The following PYCR3 variants were observed in gnomAD, a reference collection of about 807,000 sequenced individuals.
PYCR3 encodes the protein P5C reductase 3.
A neutral mutation model predicts 23.4 loss-of-function variants in PYCR3; 26 were observed. The observed-to-expected ratio is 1.11, with a 90% CI of 0.81 to 1.54. The LOEUF (loss-of-function observed/expected upper bound fraction) is 1.54. PYCR3 is among the 40% of genes most tolerant of loss of function. The pLI is 0.00. For synonymous variants in PYCR3, 194 were observed against 162.6 expected (o/e 1.19, Z -1.47); for missense variants, 360 against 376.3 (o/e 0.96, Z 0.36).
At position 143,608,810 on chromosome 8, in the gene PYCR3, A is replaced by G. The variant is rs1036899965; in HGVS notation, c.91+648T>C. ...GCGGTACTGCCAGGTTTCACAGGGA[A>G]GACTCCTGAGACTCATAGTAAGCTA... On this transcript the variant is annotated intron_variant, in intron 1 of 5. Transcript: ENST00000495276. 3 of 456,586 alleles carry G rather than the reference A, an allele frequency of 6.6e-6. No individual in the cohort carries two copies. The East Asian group carries it at 2.1e-4, about 32-fold the overall frequency. 28.3% of individuals were successfully genotyped at this position (456,586 alleles called of 1,614,324 possible). A position where few individuals can be genotyped will look rare whatever the true frequency, so the allele number is the denominator to read the frequency against.
rs774083929 is a variant in PYCR3, at chr8:143,604,715, C to T, written c.*985G>A. 8.6e-4 allele frequency: 311 copies of T among 360,108 alleles called. 2 individuals carry two copies. In the Middle Eastern group the frequency reaches 8.8e-3, roughly 10 times the overall value. The allele number at this position is 360,108 out of a possible 1,614,324, so 22.3% of individuals were successfully genotyped here. ...CCCTCCCCACCCAAAGGCCCTAGAA[C>T]CCTAGCCTTCAATCCTGGGGGTTTG... On this transcript the variant is annotated 3_prime_UTR_variant, in exon 6 of 6. Coordinates refer to ENST00000495276, the MANE Select transcript of PYCR3 (RefSeq NM_023078.6).
rs548945639 is a variant in PYCR3 at position 143,605,387 on chromosome 8, C to T, written c.*313G>A. On this transcript the variant is annotated 3_prime_UTR_variant, in exon 6 of 6. Transcript: ENST00000495276. ...GGCCTCAACCAACTGCCCAACCATG[C>T]GGGCAAATGACCAAGACGCCATCTC... The T allele has an allele frequency of 2.6e-4, 110 of 426,534 alleles. No homozygotes were observed. The highest frequency in any genetic ancestry group is 1.9e-3 in the African/African-American group (96 of 50,520). The allele number at this position is 426,534 out of a possible 1,614,324, so 26.4% of individuals were successfully genotyped here.
chr8:143,607,098 T>G lies in PYCR3; in HGVS notation c.191A>C (p.Glu64Ala). ...GACGAGCAGGCAGCTCTGCAGCACC[T>G]CCTGGTTGGAGTGCGTGGTCCGGCA... ...LGCRTTHSNQ[E>A]VLQSCLLVIF... Residue 64 changes from glutamate (E) to alanine (A), a missense_variant, in exon 3 of 6, where the codon GAG (glutamate) becomes GCG (alanine). Coordinates refer to ENST00000495276, the MANE Select transcript of PYCR3 (RefSeq NM_023078.6). The G allele has an allele frequency of 6.2e-7, 1 of 1,606,286 alleles. No individual in the cohort carries two copies. Among genetic ancestry groups the G allele is most frequent in the South Asian group, 1.1e-5 (1 of 90,256 alleles).
rs977291642 is a variant in PYCR3, at chr8:143,605,194, G to T, written c.*506C>A. 2.4e-5 allele frequency: 8 copies of T among 335,990 alleles called. No individual in the cohort carries two copies. Among genetic ancestry groups the T allele is most frequent in the African/African-American group, 1.7e-4 (8 of 45,860 alleles). 20.8% of individuals were successfully genotyped at this position (335,990 alleles called of 1,614,324 possible). ...GCCAGGGCCCCTGGCTTTACTGCAG[G>T]GGAGAGGGTCTCTTGTGCAGACCCC... is the stretch of plus-strand genomic sequence containing the variant. On this transcript the variant is annotated 3_prime_UTR_variant, in exon 6 of 6. Transcript: ENST00000495276.
Position 143,608,139 on chromosome 8 carries a change from G to A in PYCR3, c.92-13C>T. ...GCTTCCACTTTTCCTGGAAAGAAAGGAAAAGGAAGAGGGGTTGGTGAAGGG... is the reference window on the plus strand; with the variant it reads ...GCTTCCACTTTTCCTGGAAAGAAAGAAAAAGGAAGAGGGGTTGGTGAAGGG... On this transcript the variant is annotated splice_polypyrimidine_tract_variant and intron_variant, in intron 1 of 5. Coordinates refer to ENST00000495276, the MANE Select transcript of PYCR3 (RefSeq NM_023078.6). The A allele has an allele frequency of 6.2e-7, 1 of 1,610,514 alleles. No homozygotes were observed. The highest frequency in any genetic ancestry group is 8.5e-7 in the Non-Finnish European group (1 of 1,177,070).
Position 143,603,801 on chromosome 8 carries a change from G to A in PYCR3, c.*1899C>T, listed in dbSNP as rs1044293542. 2 of 152,208 alleles carry A rather than the reference G, an allele frequency of 1.3e-5. No homozygotes were observed. Among genetic ancestry groups the A allele is most frequent in the African/African-American group, 4.8e-5 (2 of 41,434 alleles). The allele number at this position is 152,208 out of a possible 1,614,324, so 9.4% of individuals were successfully genotyped here. The stretch of plus-strand genomic sequence containing the variant: ...TGTAGAGGCCTGTAGCAGGCATGGG[G>A]AGACCTCTGCTGTCCACAGTGCCAG... On this transcript the variant is annotated 3_prime_UTR_variant, in exon 6 of 6. Coordinates refer to ENST00000495276, the MANE Select transcript of PYCR3 (RefSeq NM_023078.6).
Position 143,608,057 on chromosome 8 carries a change from C to G in PYCR3, c.156+5G>C, listed in dbSNP as rs771352410. 2.5e-6 allele frequency: 4 copies of G among 1,609,432 alleles called. No individual in the cohort carries two copies. In the Admixed American group the frequency reaches 6.7e-5, roughly 27 times the overall value. On this transcript the variant is annotated splice_donor_5th_base_variant and intron_variant, in intron 2 of 5. Transcript: ENST00000495276. ...GGGTATGAAGAACCTGGGCTCTATG[C>G]TCACTTGAAAGTGACATAGGTTCCT...
chr8:143,605,184 T>C lies in PYCR3; in HGVS notation c.*516A>G. ...GCCCCATCAGGCCAGGGCCCCTGGC[T>C]TTACTGCAGGGGAGAGGGTCTCTTG... On this transcript the variant is annotated 3_prime_UTR_variant, in exon 6 of 6. Transcript: ENST00000495276. The C allele has an allele frequency of 3.0e-6, 1 of 337,414 alleles. No individual in the cohort carries two copies. The highest frequency in any genetic ancestry group is 5.8e-6 in the Non-Finnish European group (1 of 172,890). 20.9% of individuals were successfully genotyped at this position (337,414 alleles called of 1,614,324 possible).
chr8:143,606,156 T>C lies in PYCR3; in HGVS notation c.550-2A>G. 2 of 1,604,748 alleles carry C rather than the reference T, an allele frequency of 1.2e-6. No individual in the cohort carries two copies. Among genetic ancestry groups the C allele is most frequent in the East Asian group, 4.5e-5 (2 of 44,464 alleles). On this transcript the variant is annotated splice_acceptor_variant, in intron 4 of 5. Transcript: ENST00000495276. LOFTEE classifies it high-confidence loss of function. The stretch of plus-strand genomic sequence containing the variant: ...CAGGGCCTCGGAGAATGCACACACC[T>C]GTAGCCGCGGCATGGTGGTTGGGGG...
rs1437730742 is a variant in PYCR3 at position 143,605,789 on chromosome 8, G to C, written c.736C>G (p.His246Asp). ...TPGGTTIYGL[H>D]ALEQGGLRAA... ...CGCAGCCCGCCCTGCTCCAGGGCGT[G>C]GAGTCCATAGATGGTGGTGCCACCC... The change falls in exon 6 of 6, where the codon CAC becomes GAC. Residue 246 changes from histidine (H) to aspartate (D), a missense_variant. Physicochemically the swap from His to Asp is moderately conservative, Grantham distance 81. Transcript: ENST00000495276. The C allele has an allele frequency of 6.2e-7, 1 of 1,612,230 alleles. No homozygotes were observed. The highest frequency in any genetic ancestry group is 8.5e-7 in the Non-Finnish European group (1 of 1,179,706).
In PYCR3 at chr8:143,605,717, C is replaced by T. The variant is rs1472867516; in HGVS notation, c.808G>A (p.Glu270Lys). The T allele has an allele frequency of 6.2e-7, 1 of 1,600,814 alleles. No homozygotes were observed. Among genetic ancestry groups the T allele is most frequent in the Admixed American group, 1.7e-5 (1 of 59,644 alleles). The change falls in exon 6 of 6, where the codon GAG becomes AAG. Residue 270 changes from glutamate (E) to lysine (K), a missense_variant. By Grantham distance (56) the Glu-to-Lys change is moderately conservative (BLOSUM62 1). Coordinates refer to ENST00000495276, the MANE Select transcript of PYCR3 (RefSeq NM_023078.6). ...AGCCCAGCCTACTTTCTGCTGAGCTCCTTGGCCCGGCAGGTGGCAGCCTCC... is the reference window on the plus strand; with the variant it reads ...AGCCCAGCCTACTTTCTGCTGAGCTTCTTGGCCCGGCAGGTGGCAGCCTCC... The part of the protein sequence containing the change: ...AVEAATCRAK[E>K]LSRK
At position 143,608,075 on chromosome 8, in the gene PYCR3, AG is replaced by A; in HGVS notation, c.142del (p.Leu48TyrfsTer60). The A allele has an allele frequency of 8.1e-6, 13 of 1,613,526 alleles. No homozygotes were observed. The highest frequency in any genetic ancestry group is 1.0e-5 in the Non-Finnish European group (12 of 1,179,552). On this transcript the variant is annotated frameshift_variant, in exon 2 of 6. Coordinates refer to ENST00000495276, the MANE Select transcript of PYCR3 (RefSeq NM_023078.6). LOFTEE classifies it high-confidence loss of function. Reference sequence around the variant, plus strand: ...CTCTATGCTCACTTGAAAGTGACATAGGTTCCTGTCTGTTGGTGCACTGGCC... The same window carrying A: ...CTCTATGCTCACTTGAAAGTGACATAGTTCCTGTCTGTTGGTGCACTGGCC... The part of the protein sequence containing the change: ...ILASAPTDRN[L>X]CHFQALGCRT...
chr8:143,607,043 T>C lies in PYCR3; in HGVS notation c.246A>G (p.Pro82=), dbSNP rs1228276672. The C allele has an allele frequency of 6.2e-7, 1 of 1,613,226 alleles. No individual in the cohort carries two copies. The highest frequency in any genetic ancestry group is 1.1e-5 in the South Asian group (1 of 91,066). Residue 82 remains proline, a synonymous_variant, in exon 3 of 6, where the codon CCA becomes CCG. Coordinates refer to ENST00000495276, the MANE Select transcript of PYCR3 (RefSeq NM_023078.6). ...VIFATKPHVL[P]AVLAEVAPVV... is the part of the protein sequence containing the mutation. The stretch of plus-strand genomic sequence containing the variant: ...CAGGAGCCACCTCTGCCAGGACAGC[T>C]GGCAGCACATGAGGCTTGGTGGCAA...
intron 1 of PYCR3, 136 bp downstream of exon 1, chr8:143,609,322 C>T (rs1181627081): frequency 9.8e-7 from 1 of 1,015,418 alleles, no homozygotes; most frequent in East Asian, 3.2e-5. Context: ...AGCAAACAGG[C>T]GTGGCCCCGG....
chr8:143,605,013 C>T lies in PYCR3; in HGVS notation c.*687G>A, dbSNP rs1829353532. 5.7e-5 allele frequency: 26 copies of T among 458,484 alleles called. No individual in the cohort carries two copies. Among genetic ancestry groups the T allele is most frequent in the Middle Eastern group, 6.5e-4 (2 of 3,058 alleles). The allele number at this position is 458,484 out of a possible 1,614,324, so 28.4% of individuals were successfully genotyped here. A position where few individuals can be genotyped will look rare whatever the true frequency, so the allele number is the denominator to read the frequency against. On this transcript the variant is annotated 3_prime_UTR_variant, in exon 6 of 6. Transcript: ENST00000495276. ...GGCCACCCTCCCAGACCTCAAGCCACCCCACCTACCACTGCCCACCTGGTG... is the reference window on the plus strand; with the variant it reads ...GGCCACCCTCCCAGACCTCAAGCCATCCCACCTACCACTGCCCACCTGGTG...
Position 143,606,162 on chromosome 8 carries a change from C to A in PYCR3, c.550-8G>T, listed in dbSNP as rs376931936. Reference sequence around the variant, plus strand: ...CTCGGAGAATGCACACACCTGTAGCCGCGGCATGGTGGTTGGGGGGGATAG... The same window carrying A: ...CTCGGAGAATGCACACACCTGTAGCAGCGGCATGGTGGTTGGGGGGGATAG... On this transcript the variant is annotated splice_region_variant and splice_polypyrimidine_tract_variant and intron_variant, in intron 4 of 5. Coordinates refer to ENST00000495276, the MANE Select transcript of PYCR3 (RefSeq NM_023078.6). 3.1e-6 allele frequency: 5 copies of A among 1,601,320 alleles called. No homozygotes were observed. Among genetic ancestry groups the A allele is most frequent in the African/African-American group, 1.3e-5 (1 of 74,704 alleles).
At position 143,606,529 on chromosome 8, in the gene PYCR3, C is replaced by T. The variant is rs767450223; in HGVS notation, c.487G>A (p.Glu163Lys). The T allele has an allele frequency of 2.5e-5, 41 of 1,612,940 alleles. No individual in the cohort carries two copies. The highest frequency in any genetic ancestry group is 3.4e-5 in the Non-Finnish European group (40 of 1,180,012). The change falls in exon 4 of 6, where the codon GAG becomes AAG. Residue 163 changes from glutamate (E) to lysine (K), a missense_variant. Physicochemically the swap from Glu to Lys is moderately conservative, Grantham distance 56 (BLOSUM62 1). Transcript: ENST00000495276. ...QHLLEACGRC[E>K]EVPEAYVDIH... ...TCGACGTAGGCTTCAGGCACCTCCT[C>T]ACACCGCCCACAGGCCTCCAGCAGA...
chr8:143,608,793 G>GCCTC (rs1263902199), intron 1 of PYCR3: 1 of 456,322 alleles, frequency 2.2e-6, no homozygotes, highest in Admixed American at 2.4e-5. Flanking sequence ...ATGCGGTACT[G>GCCTC]CCAGGTTTCA....
intron 2 of PYCR3, among the ~76,000 whole-genome samples, 198 bp downstream of exon 2, chr8:143,607,864 A>C (rs1027123421): frequency 2.0e-5 from 3 of 151,894 alleles, no homozygotes; most frequent in African/African-American, 7.3e-5. Context: ...CACACACACA[A>C]ACACTTTGCT....
Sources: gnomAD v4.1 joint callset for allele counts (sites outside exome capture counted in the v4.1 genomes callset) on GRCh38, gnomAD v4.1.1 for gene constraint, MANE v1.5 for transcripts, NCBI Gene and HGNC (gene_info 2026-07-23, HGNC 2026-07-21) for gene names.